Variants in GRIN2D observed in about 807,000 individuals in gnomAD.
GRIN2D encodes the protein glutamate receptor ionotropic, NMDA 2D.
GRIN2D carries 37 observed loss-of-function variants against 103.2 expected under a neutral mutation model. That is an observed-to-expected ratio of 0.36 (90% CI 0.28 to 0.47). The LOEUF (loss-of-function observed/expected upper bound fraction) is 0.47, where lower values mean the gene tolerates loss of function less well. Among genes scored for constraint, GRIN2D ranks in the 20% least tolerant of loss-of-function variants. The probability of loss-of-function intolerance (pLI) is 1.00; values close to 1 mark genes in which losing one functional copy is unlikely to be tolerated. For synonymous variants in GRIN2D, 845 were observed against 885.6 expected (o/e 0.95, Z 0.81); for missense variants, 1,557 against 1,910.6 (o/e 0.81, Z 3.45).
intron 3 of GRIN2D, among the ~76,000 whole-genome samples, chr19:48,404,193 T>C (rs1466391081): frequency 6.6e-6 from 1 of 151,514 alleles, no homozygotes; most frequent in Non-Finnish European, 1.5e-5. Flanking sequence ...TGAGCCGAGA[T>C]TGTGCCATTG....
At position 48,414,890 on chromosome 19, in the gene GRIN2D, A is replaced by T. The variant is rs80005942; in HGVS notation, c.1439A>T (p.Glu480Val). ...CCTCCACCGGATGCCCCCCGCCCGG[A>T]AAAGCGCTGCTGCAAGGGTTTCTGC... The part of the protein sequence containing the change: ...HSPPPDAPRP[E>V]KRCCKGFCID... The change falls in exon 7 of 14, where the codon GAA becomes GTA. Residue 480 changes from glutamate to valine, a missense_variant. By Grantham distance (121) the Glu-to-Val change is moderately radical. Transcript: ENST00000263269. This position sits in a 1 kb window ranked among gnomAD's most constrained non-coding sequence, Gnocchi z 4.6. 6.2e-7 allele frequency: 1 copy of T among 1,614,100 alleles called. No homozygotes were observed. The highest frequency in any genetic ancestry group is 1.1e-5 in the South Asian group (1 of 91,078).
intron 8 of GRIN2D, 58 bp from the exon 9 acceptor site, chr19:48,419,176 C>T (rs1970984132): frequency 1.9e-6 from 3 of 1,556,398 alleles, no homozygotes; most frequent in Admixed American, 2.0e-5. Flanking sequence ...ACCGCCCCAG[C>T]CTGATCCCCG....
chr19:48,435,435 G>A (rs772491322), intron 11 of GRIN2D, among the ~76,000 whole-genome samples: 3 of 151,326 alleles, frequency 2.0e-5, no homozygotes, highest in African/African-American at 4.9e-5. Context: ...GATTACAGGC[G>A]TGTGCCACCA....
At position 48,438,729 on chromosome 19, in the gene GRIN2D, C is replaced by T. The variant is rs112162054; in HGVS notation, c.2253-3040C>T. Among the ~76,000 whole-genome samples the T allele has an allele frequency of 3.3e-5, 5 of 152,096 alleles. 1 individual carries two copies. The highest frequency in any genetic ancestry group is 9.6e-5 in the African/African-American group (4 of 41,508). ...GATTACAGGCGTGAGTCACTGCGCC[C>T]GGCCAATATGAACTCATATTCTATA... On this transcript the variant is annotated intron_variant, in intron 11 of 13. Transcript: ENST00000263269.
In GRIN2D at chr19:48,405,110, G is replaced by C; in HGVS notation, c.842G>C (p.Gly281Ala). 1.3e-6 allele frequency: 2 copies of C among 1,587,910 alleles called. No individual in the cohort carries two copies. Among genetic ancestry groups the C allele is most frequent in the Non-Finnish European group, 1.7e-6 (2 of 1,167,230 alleles). Residue 281 changes from glycine (G) to alanine (A), a missense_variant, in exon 4 of 14, where the codon GGA becomes GCA. Physicochemically the swap from Gly to Ala is moderately conservative, Grantham distance 60 (BLOSUM62 0). Around this residue, in one of 7 missense-constraint regions of GRIN2D, gnomAD observed 490 missense variants for 601.1 expected, o/e 0.82. Transcript: ENST00000263269. This position sits in a 1 kb window ranked among gnomAD's most constrained non-coding sequence, Gnocchi z 5.1. ...TTCATGGTGGGGCCCCAGCTGGCTG[G>C]AGGCGGGGGCTCTGGGGCCCCTGGT... The part of the protein sequence containing the change: ...VWFMVGPQLA[G>A]GGGSGAPGEP...
Position 48,443,238 on chromosome 19 carries a change from T to G in GRIN2D, c.3312T>G (p.Pro1104=). 7.5e-6 allele frequency: 10 copies of G among 1,338,354 alleles called. No homozygotes were observed. Among genetic ancestry groups the G allele is most frequent in the Non-Finnish European group, 4.9e-6 (5 of 1,022,882 alleles). The allele number at this position is 1,338,354 out of a possible 1,614,324, so 82.9% of individuals were successfully genotyped here. The change falls in exon 14 of 14, where the codon CCT becomes CCG. Residue 1104 remains proline (P), a synonymous_variant. Coordinates refer to ENST00000263269, the MANE Select transcript of GRIN2D (RefSeq NM_000836.4). The surrounding 1 kb of genome is among the most constrained non-coding windows in gnomAD (Gnocchi z 8.9). ...PPCRAAPPPC[P]YLDLEPSPSD... ...GCCGCGCCGCGCCGCCCCCGTGCCC[T>G]TACCTCGATCTCGAGCCGTCGCCGT...
intron 11 of GRIN2D, 95 bp downstream of exon 11, chr19:48,422,040 C>G: frequency 7.7e-7 from 1 of 1,306,194 alleles, no homozygotes; most frequent in South Asian, 1.3e-5. Context: ...TCATTCAGTC[C>G]CAGAGGTCAG....
intron 4 of GRIN2D, among the ~76,000 whole-genome samples, chr19:48,408,220 G>C (rs1471314488): frequency 6.6e-6 from 1 of 151,836 alleles, no homozygotes; most frequent in Admixed American, 6.6e-5. Context: ...TGTAGTCCCA[G>C]CTACTCGGGA....
intron 11 of GRIN2D, among the ~76,000 whole-genome samples, chr19:48,431,745 C>T (rs1353827171): frequency 6.6e-6 from 1 of 151,918 alleles, no homozygotes; most frequent in Non-Finnish European, 1.5e-5. Flanking sequence ...GCACCATGCC[C>T]AGCTAATTTC....
chr19:48,395,165 C>G (rs1288981561), intron 2 of GRIN2D, among the ~76,000 whole-genome samples: 2 of 151,914 alleles, frequency 1.3e-5, no homozygotes, highest in Non-Finnish European at 2.9e-5. Context: ...TTTCACGCCC[C>G]CATTTCTCTG....
Position 48,398,791 on chromosome 19 carries a change from G to C in GRIN2D, c.399G>C (p.Leu133=). ...CCGTCGCGCCCATCCTCGACTTCCT[G>C]TCGGCGCAGACCTCGCTGCCCATCG... is the stretch of plus-strand genomic sequence containing the variant. ...APAVAPILDF[L]SAQTSLPIVA... The change falls in exon 3 of 14, where the codon CTG becomes CTC. Residue 133 remains leucine, a synonymous_variant. Coordinates refer to ENST00000263269, the MANE Select transcript of GRIN2D (RefSeq NM_000836.4). The C allele has an allele frequency of 6.9e-7, 1 of 1,459,420 alleles. No homozygotes were observed. Among genetic ancestry groups the C allele is most frequent in the Non-Finnish European group, 9.0e-7 (1 of 1,110,972 alleles). 90.4% of individuals were successfully genotyped at this position (1,459,420 alleles called of 1,614,324 possible).
chr19:48,409,274 CTTTTTTTTTT>C (rs67673123), intron 4 of GRIN2D, among the ~76,000 whole-genome samples: 1 of 103,724 alleles, frequency 9.6e-6, no homozygotes, highest in Non-Finnish European at 1.8e-5. Flanking sequence ...AATTAAATTT[CTTTTTTTTTT>C]TTTTTTTTTT....
chr19:48,406,199 T>C (rs1970790228), intron 4 of GRIN2D, among the ~76,000 whole-genome samples: 2 of 152,208 alleles, frequency 1.3e-5, no homozygotes, highest in African/African-American at 4.8e-5. Context: ...TAGACGTCCA[T>C]TCTGATTGGC....
At chr19:48,440,480 C>T (rs967452180) in intron 11 of GRIN2D, among the ~76,000 whole-genome samples, 3 of 152,116 alleles carry the variant, frequency 2.0e-5, no homozygotes, top group Non-Finnish European at 2.9e-5. Context: ...TTAGTCCCAG[C>T]TACTGAGGAG....
At chr19:48,436,717 A>C (rs1167988243) in intron 11 of GRIN2D, among the ~76,000 whole-genome samples, 1 of 152,216 alleles carries the variant, frequency 6.6e-6, no homozygotes, top group Non-Finnish European at 1.5e-5. Context: ...AGGCACTTTC[A>C]AGGTGAGAGA....
rs192025027 is a variant in GRIN2D at position 48,442,469 on chromosome 19, C to T, written c.2673+87C>T. 3.3e-6 allele frequency: 5 copies of T among 1,533,912 alleles called. No individual in the cohort carries two copies. In the Admixed American group the frequency reaches 5.4e-5, roughly 16 times the overall value. ...CGAGCAGAGACAAGGAGATGTGGGT[C>T]GAGATGTGGATAGTGGGGAAGAGAG... On this transcript the variant is annotated intron_variant, in intron 13 of 13. Transcript: ENST00000263269. This position sits in a 1 kb window ranked among gnomAD's most constrained non-coding sequence, Gnocchi z 7.2.
chr19:48,421,116 T>TC lies in GRIN2D; in HGVS notation c.2092-669_2092-668insC. On this transcript the variant is annotated intron_variant, in intron 10 of 13. Transcript: ENST00000263269. The surrounding 1 kb of genome is among the most constrained non-coding windows in gnomAD (Gnocchi z 4.8). ...AGAATAGTTGCCTGCATCTTATGTA[T>TC]AAGTTTGGTTTTACAAAACTTGTTT... is the stretch of plus-strand genomic sequence containing the variant. Among the ~76,000 whole-genome samples, 1 of 152,230 alleles carries TC rather than the reference T, an allele frequency of 6.6e-6. No individual in the cohort carries two copies. Among genetic ancestry groups the TC allele is most frequent in the East Asian group, 1.9e-4 (1 of 5,200 alleles).
chr19:48,397,853 C>T (rs765141756), intron 2 of GRIN2D, among the ~76,000 whole-genome samples: 3 of 151,972 alleles, frequency 2.0e-5, no homozygotes, highest in Non-Finnish European at 4.4e-5. Flanking sequence ...CTCTCTCTCC[C>T]CTCTTACCTC....
intron 3 of GRIN2D, among the ~76,000 whole-genome samples, chr19:48,403,315 T>C (rs1008623377): frequency 1.3e-5 from 2 of 152,060 alleles, no homozygotes; most frequent in Non-Finnish European, 2.9e-5. Context: ...AATAAAACTT[T>C]CAGCAAAGAT....
Sources: gnomAD v4.1 joint callset for allele counts (sites outside exome capture counted in the v4.1 genomes callset) on GRCh38, gnomAD v4.1.1 for gene constraint, gnomAD v4.1.1 regional missense constraint, Gnocchi (gnomAD v3.1) non-coding constraint, MANE v1.5 for transcripts, NCBI Gene and HGNC (gene_info 2026-07-23, HGNC 2026-07-21) for gene names.